C3orf52: variants seen among roughly 807,000 people sequenced by gnomAD.
C3orf52 encodes TPA-induced transmembrane protein.
C3orf52 carries 22 observed loss-of-function variants against 24.8 expected under a neutral mutation model. That is an observed-to-expected ratio of 0.89 (90% CI 0.63 to 1.27). C3orf52 has a LOEUF of 1.27. C3orf52 is among the 50% of genes most tolerant of loss of function. The pLI is 0.00. For missense variants in C3orf52, 265 were observed against 260.7 expected, an observed-to-expected ratio of 1.02 and a Z score of -0.11; for synonymous variants, 93 against 100.2, an observed-to-expected ratio of 0.93 and a Z score of 0.43.
intron 4 of C3orf52, chr3:112,127,985 G>A: frequency 6.3e-7 from 1 of 1,597,192 alleles, no homozygotes; most frequent in Non-Finnish European, 8.6e-7. Flanking sequence ...CACACTTAGG[G>A]AAATAACTCC....
At chr3:112,106,666 C>T (rs1054280976) in intron 3 of C3orf52, among the ~76,000 whole-genome samples, 1 of 152,190 alleles carries the variant, frequency 6.6e-6, no homozygotes, top group African/African-American at 2.4e-5. Context: ...AAACAGTATA[C>T]ATATTGTTAT....
chr3:112,093,561 T>C, intron 2 of C3orf52, 72 bp downstream of exon 2: 1 of 1,417,272 alleles, frequency 7.1e-7, no homozygotes, highest in Non-Finnish European at 9.7e-7. Flanking sequence ...TACACTGAAA[T>C]GGAAGATGTA....
chr3:112,103,071 TC>T (rs1166565668), intron 3 of C3orf52, 106 bp downstream of exon 3: 7 of 996,828 alleles, frequency 7.0e-6, no homozygotes, highest in Non-Finnish European at 1.0e-5. Flanking sequence ...AATTTTGGAT[TC>T]TTTGTCTGGA....
At position 112,093,391 on chromosome 3, in the gene C3orf52, A is replaced by G; in HGVS notation, c.170A>G (p.Asn57Ser). The G allele has an allele frequency of 6.2e-7, 1 of 1,613,968 alleles. No individual in the cohort carries two copies. Among genetic ancestry groups the G allele is most frequent in the East Asian group, 2.2e-5 (1 of 44,878 alleles). Reference sequence around the variant, plus strand: ...AAGGAAAGCCCCTGGAGCTCCTGTAATAAGAATGTGGTTGGAAGATGCAAA... The same window carrying G: ...AAGGAAAGCCCCTGGAGCTCCTGTAGTAAGAATGTGGTTGGAAGATGCAAA... ...ANKESPWSSC[N>S]KNVVGRCKLW... Residue 57 changes from asparagine to serine, a missense_variant, in exon 2 of 6, where the codon AAT (asparagine) becomes AGT (serine). Physicochemically the swap from Asn to Ser is conservative, Grantham distance 46. Transcript: ENST00000264848.
At chr3:112,120,307 A>G (rs1334589975), downstream of C3orf52, among the ~76,000 whole-genome samples, 1 of 152,152 alleles carries the variant, frequency 6.6e-6, no homozygotes, top group Non-Finnish European at 1.5e-5. Context: ...GGAGACTTCT[A>G]TTTCCTGTTC....
chr3:112,095,929 T>G (rs1053890000), intron 2 of C3orf52, among the ~76,000 whole-genome samples: 3 of 152,162 alleles, frequency 2.0e-5, no homozygotes, highest in African/African-American at 4.8e-5. Context: ...CCAAGCCCAT[T>G]AATATGAATC....
chr3:112,113,230 C>A, intron 5 of C3orf52, 85 bp downstream of exon 5: 4 of 1,042,924 alleles, frequency 3.8e-6, no homozygotes, highest in Non-Finnish European at 5.6e-6. Flanking sequence ...TTCGATTTGG[C>A]AACTGTGGTG....
chr3:112,113,203 G>A (rs1454048375), intron 5 of C3orf52, 58 bp downstream of exon 5: 36 of 1,419,770 alleles, frequency 2.5e-5, no homozygotes, highest in Non-Finnish European at 3.0e-5. Context: ...AACCAGATTG[G>A]GGTCAAATTG....
chr3:112,128,737 G>A (rs968017544), exon 5 of C3orf52: 3 of 160,958 alleles, frequency 1.9e-5, no homozygotes, highest in Non-Finnish European at 2.7e-5. Context: ...TTAAATAACA[G>A]GACTTCTCTC....
rs762480889 is a variant in C3orf52 at position 112,093,337 on chromosome 3, A to G, written c.139-23A>G. 3 of 1,612,748 alleles carry G rather than the reference A, an allele frequency of 1.9e-6. No individual in the cohort carries two copies. The East Asian group carries it at 6.7e-5, about 36-fold the overall frequency. ...TCTGTTGCAACACAATGACTGCCTC[A>G]CAATCTCCCTCTGCCTTTCTAGGCT... On this transcript the variant is annotated intron_variant, in intron 1 of 5. Coordinates refer to ENST00000264848, the MANE Select transcript of C3orf52 (RefSeq NM_024616.3).
At chr3:112,123,525 A>T in intron 4 of C3orf52, 2 of 1,614,170 alleles carry the variant, frequency 1.2e-6, no homozygotes, top group Non-Finnish European at 1.7e-6. Context: ...GTGAGAGGAG[A>T]TTCTGTGAGG....
chr3:112,087,980 G>A (rs2073844786), intron 1 of C3orf52, among the ~76,000 whole-genome samples: 1 of 152,194 alleles, frequency 6.6e-6, no homozygotes, highest in African/African-American at 2.4e-5. Context: ...GAAAACAGGT[G>A]GTGGGTAGAA....
At chr3:112,129,122 C>T (rs966080585), downstream of C3orf52, 1 of 152,160 alleles carries the variant, frequency 6.6e-6, no homozygotes, top group Non-Finnish European at 1.5e-5. Flanking sequence ...TTTAGGTTAC[C>T]TTCAATGTGC....
rs1482463270 is a variant in C3orf52 at position 112,117,804 on chromosome 3, G to A, written c.*1158G>A. The A allele has an allele frequency of 6.6e-6, 1 of 152,208 alleles. No homozygotes were observed. The highest frequency in any genetic ancestry group is 1.5e-5 in the Non-Finnish European group (1 of 68,038). 9.4% of individuals were successfully genotyped at this position (152,208 alleles called of 1,614,324 possible). Reference sequence around the variant, plus strand: ...TTGTGAGGGAACTGATTGTTTTGTTGGGAAAAGAAATTTACCAGGAGAAAG... The same window carrying A: ...TTGTGAGGGAACTGATTGTTTTGTTAGGAAAAGAAATTTACCAGGAGAAAG... On this transcript the variant is annotated 3_prime_UTR_variant, in exon 6 of 6. Coordinates refer to ENST00000264848, the MANE Select transcript of C3orf52 (RefSeq NM_024616.3).
chr3:112,132,204 G>C (rs2074472073), downstream of C3orf52, among the ~76,000 whole-genome samples: 1 of 152,170 alleles, frequency 6.6e-6, no homozygotes, highest in Non-Finnish European at 1.5e-5. Context: ...AGGGACATGA[G>C]ATATTCCACA....
At chr3:112,124,324 T>A (rs1371826206) in intron 4 of C3orf52, among the ~76,000 whole-genome samples, 1 of 152,158 alleles carries the variant, frequency 6.6e-6, no homozygotes, top group African/African-American at 2.4e-5. Flanking sequence ...AAAAGAATAA[T>A]CTGGCTGGGC....
At chr3:112,110,818 A>C (rs1158635767) in intron 4 of C3orf52, among the ~76,000 whole-genome samples, 1 of 152,240 alleles carries the variant, frequency 6.6e-6, no homozygotes, top group East Asian at 1.9e-4. Context: ...GAGGGGAGGC[A>C]CATAAAGCAG....
rs1401758265 is a variant in C3orf52 at position 112,116,890 on chromosome 3, G to A, written c.*244G>A. On this transcript the variant is annotated 3_prime_UTR_variant, in exon 6 of 6. Transcript: ENST00000264848. ...AAGGCAGGAAGCCAGCTAGGGTGGG[G>A]GCGATAGGGTCAGCGGGTATGTCCC... 7.2e-6 allele frequency: 11 copies of A among 1,537,178 alleles called. No individual in the cohort carries two copies. In the East Asian group the frequency reaches 7.3e-5, roughly 10 times the overall value.
At chr3:112,119,699 T>C, downstream of C3orf52, 1 of 574,068 alleles carries the variant, frequency 1.7e-6, no homozygotes, top group Non-Finnish European at 3.1e-6. Flanking sequence ...ACTCTTTCAT[T>C]GCTTTAAAAT....
Sources: gnomAD v4.1 joint callset for allele counts (sites outside exome capture counted in the v4.1 genomes callset) on GRCh38, gnomAD v4.1.1 for gene constraint, MANE v1.5 for transcripts, NCBI Gene and HGNC (gene_info 2026-07-23, HGNC 2026-07-21) for gene names.